Variants in EHMT1 observed in about 807,000 individuals in gnomAD.
The protein encoded by EHMT1 is euchromatic histone lysine methyltransferase 1.
EHMT1 carries 15 observed loss-of-function variants against 147.2 expected under a neutral mutation model. The observed-to-expected ratio is 0.10, with a 90% CI of 0.07 to 0.16. The LOEUF is 0.16. Among genes scored for constraint, EHMT1 ranks in the 10% least tolerant of loss-of-function variants. EHMT1 has a pLI of 1.00. For missense variants in EHMT1, 1,587 were observed against 1,772.4 expected, an observed-to-expected ratio of 0.90 and a Z score of 1.88; for synonymous variants, 795 against 709.6, an observed-to-expected ratio of 1.12 and a Z score of -1.91.
intron 3 of EHMT1, among the ~76,000 whole-genome samples, chr9:137,718,636 A>C (rs952270467): frequency 9.2e-5 from 14 of 151,684 alleles, no homozygotes; most frequent in African/African-American, 3.4e-4. Flanking sequence ...CAGCTTCCTT[A>C]CTGGTTCCTC....
rs1048496544 is a variant in EHMT1 at position 137,619,068 on chromosome 9, G to GGGGGGCGGCGC, written c.21+30_21+40dup. 781 of 874,696 alleles carry GGGGGGCGGCGC rather than the reference G, an allele frequency of 8.9e-4. No homozygotes were observed. The highest frequency in any genetic ancestry group is 5.0e-3 in the Admixed American group (78 of 15,486). 54.2% of individuals were successfully genotyped at this position (874,696 alleles called of 1,614,324 possible). On this transcript the variant is annotated intron_variant, in intron 1 of 26. Transcript: ENST00000460843. ...TGCCGAGGTGAGCAGCGGGGCCGGC[G>GGGGGGCGGCGC]GGGGGCGGCGCGGGGGCGGCGGGCA...
At chr9:137,622,908 A>C (rs1843022134) in intron 1 of EHMT1, among the ~76,000 whole-genome samples, 1 of 141,354 alleles carries the variant, frequency 7.1e-6, no homozygotes, top group Non-Finnish European at 1.5e-5. Flanking sequence ...TCCTGTCTCA[A>C]AAAAAAAAAA....
At chr9:137,739,848 C>T (rs1368839650) in intron 4 of EHMT1, among the ~76,000 whole-genome samples, 1 of 152,146 alleles carries the variant, frequency 6.6e-6, no homozygotes, top group African/African-American at 2.4e-5. Context: ...GGCCTGGGGT[C>T]TCTGTGTGGA....
chr9:137,624,576 T>C (rs896024077), intron 1 of EHMT1, among the ~76,000 whole-genome samples: 4 of 152,128 alleles, frequency 2.6e-5, no homozygotes, highest in African/African-American at 9.7e-5. Flanking sequence ...TTCCTCAGCC[T>C]CCCAAAGTGC....
At chr9:137,667,672 G>A (rs1373423028) in intron 1 of EHMT1, among the ~76,000 whole-genome samples, 3 of 151,878 alleles carry the variant, frequency 2.0e-5, no homozygotes, top group Admixed American at 6.6e-5. Flanking sequence ...TGTGAATAGG[G>A]GACAAAAAAA....
chr9:137,775,308 C>T lies in EHMT1; in HGVS notation c.1791+56C>T. ...CTCCGCAGGCTTTGCTGTCTGCTCA[C>T]TGGTGCTGGTTCCTGTCCTGTGTCC... On this transcript the variant is annotated intron_variant, in intron 11 of 26. Coordinates refer to ENST00000460843, the MANE Select transcript of EHMT1 (RefSeq NM_024757.5). The surrounding 1 kb of genome is among the most constrained non-coding windows in gnomAD (Gnocchi z 6.1). The T allele has an allele frequency of 1.9e-6, 3 of 1,593,860 alleles. No individual in the cohort carries two copies. The highest frequency in any genetic ancestry group is 2.5e-6 in the Non-Finnish European group (3 of 1,176,794).
chr9:137,669,462 C>G, intron 1 of EHMT1, among the ~76,000 whole-genome samples: 2 of 151,430 alleles, frequency 1.3e-5, no homozygotes, highest in African/African-American at 4.9e-5. Flanking sequence ...CTCACCTCCA[C>G]CCAAGACGCC....
At chr9:137,728,596 G>T (rs1946830788) in intron 4 of EHMT1, 67 bp downstream of exon 4, 1 of 1,606,660 alleles carries the variant, frequency 6.2e-7, no homozygotes, top group Non-Finnish European at 8.5e-7. Context: ...CTTGCCAGGT[G>T]AGAGTTCTGT....
At chr9:137,739,091 G>T (rs1947819332) in intron 4 of EHMT1, among the ~76,000 whole-genome samples, 1 of 151,674 alleles carries the variant, frequency 6.6e-6, no homozygotes, top group South Asian at 2.1e-4. Context: ...AAAAAAACAG[G>T]CCGGGCGCGG....
chr9:137,646,259 C>T, intron 1 of EHMT1: 1 of 834,992 alleles, frequency 1.2e-6, no homozygotes, highest in Non-Finnish European at 1.4e-6. Context: ...TGTGCCTGGC[C>T]TATTTTTACT....
chr9:137,781,187 TGTG>T (rs1384276877), intron 14 of EHMT1, among the ~76,000 whole-genome samples: 2 of 92,904 alleles, frequency 2.2e-5, no homozygotes, highest in Non-Finnish European at 1.9e-5. Context: ...CGCTGGGACG[TGTG>T]GTGACGACGC....
chr9:137,680,264 AG>A (rs1246395086), intron 1 of EHMT1, among the ~76,000 whole-genome samples: 2 of 152,014 alleles, frequency 1.3e-5, no homozygotes, highest in African/African-American at 4.8e-5. Context: ...ACTTGAGGCC[AG>A]GAGTTCAAGA....
intron 1 of EHMT1, among the ~76,000 whole-genome samples, chr9:137,710,616 T>C (rs1368234298): frequency 6.6e-6 from 1 of 152,214 alleles, no homozygotes; most frequent in East Asian, 1.9e-4. Context: ...ATTTGAAATA[T>C]ATGAATTATT....
At chr9:137,810,889 C>T (rs944636659) in intron 18 of EHMT1, among the ~76,000 whole-genome samples, 12 of 152,148 alleles carry the variant, frequency 7.9e-5, no homozygotes, top group Admixed American at 7.2e-4. Context: ...TTAGTAGAAA[C>T]GGGGTTTCAC....
chr9:137,802,810 G>C, intron 18 of EHMT1: 1 of 1,231,830 alleles, frequency 8.1e-7, no homozygotes, highest in South Asian at 4.1e-5. Context: ...CTGTATCCAG[G>C]GGGTTTCTAC....
At chr9:137,638,098 T>C (rs1390836201) in intron 1 of EHMT1, 1 of 152,026 alleles carries the variant, frequency 6.6e-6, no homozygotes, top group Non-Finnish European at 1.5e-5. Context: ...TTATGTTGAA[T>C]TTTTCAGAGA....
At chr9:137,693,487 C>G (rs533532254) in intron 1 of EHMT1, among the ~76,000 whole-genome samples, 1 of 152,104 alleles carries the variant, frequency 6.6e-6, no homozygotes, top group Non-Finnish European at 1.5e-5. Flanking sequence ...TCATTAATGA[C>G]AGAGCTGGGA....
At chr9:137,644,299 T>G (rs552567280) in intron 1 of EHMT1, among the ~76,000 whole-genome samples, 1 of 152,090 alleles carries the variant, frequency 6.6e-6, no homozygotes, top group South Asian at 2.1e-4. Flanking sequence ...GGAATTTGAG[T>G]TTCATATCAC....
intron 1 of EHMT1, among the ~76,000 whole-genome samples, chr9:137,682,437 A>C (rs1942042346): frequency 6.6e-6 from 1 of 152,044 alleles, no homozygotes; most frequent in Non-Finnish European, 1.5e-5. Flanking sequence ...TCATTTTTTG[A>C]CTGAGAACTT....
Sources: allele counts gnomAD v4.1 joint callset (sites outside exome capture counted in the v4.1 genomes callset), GRCh38; gene constraint gnomAD v4.1.1; non-coding constraint Gnocchi (gnomAD v3.1); transcripts MANE v1.5; gene names NCBI Gene and HGNC (gene_info 2026-07-23, HGNC 2026-07-21).